The following MED23 variants were observed in gnomAD, a reference collection of about 807,000 sequenced individuals.
MED23 encodes the protein mediator of RNA polymerase II transcription subunit 23.
In MED23, 105 loss-of-function variants were observed where a neutral mutation model predicts 163.9. The ratio of observed to expected loss-of-function variants is 0.64; its 90% CI spans 0.55 to 0.75. MED23 has a LOEUF of 0.75. MED23 is among the 30% of genes least tolerant of loss of function. MED23 has a pLI of 0.00. For synonymous variants in MED23, 561 were observed against 565.6 expected (o/e 0.99, Z 0.12); for missense variants, 1,054 against 1,649.0 (o/e 0.64, Z 6.25).
chr6:131,575,182 G>A (rs1253377775), intron 30 of MED23, among the ~76,000 whole-genome samples: 2 of 152,104 alleles, frequency 1.3e-5, no homozygotes, highest in Admixed American at 6.5e-5. Context: ...GTCAACTAAG[G>A]GGTCTATGAG....
rs549805404 is a variant in MED23, at chr6:131,615,773, A to G, written c.876+134T>C. ...AATGATAGGAATAATACATTGTTTA[A>G]AAAACCATGTATATTTTTAAAAGTC... On this transcript the variant is annotated intron_variant, in intron 10 of 28. Transcript: ENST00000368068. The G allele has an allele frequency of 1.9e-4, 132 of 707,950 alleles. 3 individuals are homozygous for G. The South Asian group carries it at 2.0e-3, about 11-fold the overall frequency. 43.9% of individuals were successfully genotyped at this position (707,950 alleles called of 1,614,324 possible).
chr6:131,620,641 T>C lies in MED23; in HGVS notation c.584A>G (p.Lys195Arg), dbSNP rs373270284. The C allele has an allele frequency of 3.1e-6, 5 of 1,610,616 alleles. No individual in the cohort carries two copies. In the African/African-American group the frequency reaches 5.3e-5, roughly 17 times the overall value. The part of the protein sequence containing the change: ...TEIRKLYPEG[K>R]LPHWLLGNLV... Reference sequence around the variant, plus strand: ...TATAAAATTTACCCAGTGTGGAAGTTTGCCTTCAGGATACAGTTTCCTGAT... The same window carrying C: ...TATAAAATTTACCCAGTGTGGAAGTCTGCCTTCAGGATACAGTTTCCTGAT... Residue 195 changes from lysine to arginine, a missense_variant, in exon 7 of 29, where the codon AAA (lysine) becomes AGA (arginine). By Grantham distance (26) the Lys-to-Arg change is conservative (BLOSUM62 2). This residue lies in a region of MED23 where 227 missense variants were observed against 235.5 expected (regional missense o/e 0.96). Coordinates refer to ENST00000368068, the MANE Select transcript of MED23 (RefSeq NM_004830.4).
chr6:131,608,141 G>GTT, intron 11 of MED23, 70 bp from the exon 12 acceptor site: 1 of 1,556,092 alleles, frequency 6.4e-7, no homozygotes, highest in South Asian at 1.1e-5. Flanking sequence ...AGTTTTTGTT[G>GTT]TTTTTTTGTT....
chr6:131,604,373 T>C (rs1775703391), intron 14 of MED23, 53 bp from the exon 15 acceptor site: 7 of 1,554,468 alleles, frequency 4.5e-6, no homozygotes, highest in Non-Finnish European at 6.2e-6. Flanking sequence ...GACATAAACA[T>C]AGGGGCTACT....
chr6:131,619,985 AAT>A, intron 7 of MED23, 89 bp from the exon 8 acceptor site: 3 of 819,582 alleles, frequency 3.7e-6, no homozygotes, highest in South Asian at 2.7e-5. Flanking sequence ...ATTTATATAA[AAT>A]GAGATAATAT....
chr6:131,596,291 C>A, intron 21 of MED23, 128 bp from the exon 22 acceptor site: 2 of 936,466 alleles, frequency 2.1e-6, no homozygotes, highest in Non-Finnish European at 3.3e-6. Context: ...CTTGATTATA[C>A]TTTACTTCTT....
intron 28 of MED23, 83 bp downstream of exon 28, chr6:131,589,382 C>G: frequency 7.3e-7 from 1 of 1,377,188 alleles, no homozygotes; most frequent in African/African-American, 1.5e-5. Flanking sequence ...AAAATAATCA[C>G]CCAAACCAAA....
At chr6:131,582,481 G>A, downstream of MED23, 1 of 719,196 alleles carries the variant, frequency 1.4e-6, no homozygotes, top group East Asian at 2.8e-5. Flanking sequence ...CTTCTTAATT[G>A]TGTATTATTT....
At chr6:131,602,496 AAC>A (rs1367818889) in intron 16 of MED23, 115 bp from the exon 17 acceptor site, 2 of 936,058 alleles carry the variant, frequency 2.1e-6, no homozygotes, top group Non-Finnish European at 1.6e-6. Flanking sequence ...TCTTTAAAAA[AAC>A]ACTTTTGTGT....
chr6:131,627,333 A>C, intron 3 of MED23, 63 bp downstream of exon 3: 1 of 1,163,358 alleles, frequency 8.6e-7, no homozygotes, highest in Non-Finnish European at 1.2e-6. Context: ...TTAAAAGAAA[A>C]AAAAAAAAAA....
At position 131,598,404 on chromosome 6, in the gene MED23, C is replaced by T. The variant is rs754094031; in HGVS notation, c.2490G>A (p.Leu830=). The T allele has an allele frequency of 5.0e-6, 8 of 1,614,024 alleles. No individual in the cohort carries two copies. In the East Asian group the frequency reaches 1.6e-4, roughly 31 times the overall value. Residue 830 remains leucine, a synonymous_variant, in exon 20 of 29, where the codon CTG becomes CTA. Transcript: ENST00000368068. This position sits in a 1 kb window ranked among gnomAD's most constrained non-coding sequence, Gnocchi z 4.7. ...VAHVRTFADF[L]VYEFSTSAGG... ...CTGCTGATGTAGAAAACTCATATAC[C>T]AGGAAATCTGCAAATGTCCTCACAT...
chr6:131,602,565 A>C (rs925839215), intron 16 of MED23, among the ~76,000 whole-genome samples, 184 bp from the exon 17 acceptor site: 22 of 152,206 alleles, frequency 1.4e-4, no homozygotes, highest in Non-Finnish European at 2.9e-4. Context: ...TTTTATAGTG[A>C]AAATCGTGAC....
At position 131,627,688 on chromosome 6, in the gene MED23, A is replaced by C. The variant is rs1777616997; in HGVS notation, c.40-16T>G. Reference sequence around the variant, plus strand: ...CTTCCGTTTTCTGTAAAAAAAAAAAAAACAAAATGTAAACAATGTTAATTT... The same window carrying C: ...CTTCCGTTTTCTGTAAAAAAAAAAACAACAAAATGTAAACAATGTTAATTT... On this transcript the variant is annotated splice_polypyrimidine_tract_variant and intron_variant, in intron 1 of 28. Transcript: ENST00000368068. The C allele has an allele frequency of 5.0e-6, 8 of 1,601,520 alleles. No individual in the cohort carries two copies. The highest frequency in any genetic ancestry group is 4.1e-5 in the African/African-American group (3 of 73,682).
chr6:131,587,823 T>A lies in MED23; in HGVS notation c.3963A>T (p.Leu1321Phe), dbSNP rs755207439. Residue 1321 changes from leucine to phenylalanine, a missense_variant, in exon 29 of 29, where the codon TTA (leucine) becomes TTT (phenylalanine). Transcript: ENST00000368068. ...KEQVEKIICN[L>F]KPALKLRLRF... ...GAAGACGAAGTTTTAAAGCTGGTTT[T>A]AAGTTACAGATAATCTTCTCTACCT... The A allele has an allele frequency of 2.5e-5, 40 of 1,613,664 alleles. No individual in the cohort carries two copies. In the Admixed American group the frequency reaches 4.0e-4, roughly 16 times the overall value.
At chr6:131,604,123 CT>C in intron 15 of MED23, 54 bp downstream of exon 15, 1 of 1,594,650 alleles carries the variant, frequency 6.3e-7, no homozygotes, top group South Asian at 1.1e-5. Flanking sequence ...AGAAAAGTAA[CT>C]TTAGAGTTAA....
At chr6:131,597,475 C>CAAAAAAAAA (rs59083644) in intron 20 of MED23, among the ~76,000 whole-genome samples, 9 of 53,704 alleles carry the variant, frequency 1.7e-4, no homozygotes, top group African/African-American at 4.8e-4. Flanking sequence ...GACTCCATAT[C>CAAAAAAAAA]AAAAAAAAAA....
At chr6:131,597,091 G>A (rs1321183850) in intron 20 of MED23, among the ~76,000 whole-genome samples, 2 of 151,998 alleles carry the variant, frequency 1.3e-5, no homozygotes, top group Non-Finnish European at 2.9e-5. Context: ...CAGCTAAGGG[G>A]TTAACGTTAA....
At chr6:131,583,883 T>C (rs202219126), downstream of MED23, 136 of 1,614,026 alleles carry the variant, frequency 8.4e-5, no homozygotes, top group Admixed American at 1.4e-3. Flanking sequence ...CACAAGCCTA[T>C]TGACTACCTT....
intron 9 of MED23, among the ~76,000 whole-genome samples, 165 bp from the exon 10 acceptor site, chr6:131,616,167 T>G (rs1420760335): frequency 6.6e-6 from 1 of 152,202 alleles, no homozygotes; most frequent in Non-Finnish European, 1.5e-5. Context: ...ACAGTTCATC[T>G]GTTCCCACCC....
Sources: gnomAD v4.1 joint callset for allele counts (sites outside exome capture counted in the v4.1 genomes callset) on GRCh38, gnomAD v4.1.1 for gene constraint, gnomAD v4.1.1 regional missense constraint, Gnocchi (gnomAD v3.1) non-coding constraint, MANE v1.5 for transcripts, NCBI Gene and HGNC (gene_info 2026-07-23, HGNC 2026-07-21) for gene names.